ADGRB2: variants seen among roughly 807,000 people sequenced by gnomAD.
ADGRB2 encodes the protein brain-specific angiogenesis inhibitor 2.
In ADGRB2, 47 loss-of-function variants were observed where a neutral mutation model predicts 178.7. The observed-to-expected ratio is 0.26, with a 90% confidence interval of 0.21 to 0.34. The LOEUF is 0.34. ADGRB2 is among the 10% of genes least tolerant of loss of function. ADGRB2 has a pLI of 1.00. For missense variants in ADGRB2, 1,584 were observed against 2,180.8 expected, an observed-to-expected ratio of 0.73 and a Z score of 5.45; for synonymous variants, 870 against 912.4, an observed-to-expected ratio of 0.95 and a Z score of 0.84.
In ADGRB2 at chr1:31,764,016, C is replaced by T. The variant is rs1159823976; in HGVS notation, c.-323G>A. On this transcript the variant is annotated 5_prime_UTR_variant, in exon 1 of 33. Coordinates refer to ENST00000373658, the MANE Select transcript of ADGRB2 (RefSeq NM_001364857.2). This position sits in a 1 kb window ranked among gnomAD's most constrained non-coding sequence, Gnocchi z 7.3. ...GCTGCAGCCGCGCGGAGGGCCGAGG[C>T]TCCCGCTCTCCCGGGCGGCGGGTGC... 2.0e-6 allele frequency: 2 copies of T among 980,950 alleles called. No individual in the cohort carries two copies. The highest frequency in any genetic ancestry group is 1.8e-5 in the African/African-American group (1 of 56,294). 60.8% of individuals were successfully genotyped at this position (980,950 alleles called of 1,614,324 possible).
At chr1:31,738,421 A>T in intron 17 of ADGRB2, 95 bp from the exon 18 acceptor site, 1 of 1,577,018 alleles carries the variant, frequency 6.3e-7, no homozygotes. Context: ...AATCCACAGT[A>T]AGGCCACATC....
rs969938680 is a variant in ADGRB2, at chr1:31,755,701, G to A, written c.838+298C>T. ...GCTTGTCCTTCAGGTCTCTGTTCCT[G>A]TATTACTTCCTTCAGGGAGCCTCCC... is the stretch of plus-strand genomic sequence containing the variant. On this transcript the variant is annotated intron_variant, in intron 4 of 32. Transcript: ENST00000373658. This position sits in a 1 kb window ranked among gnomAD's most constrained non-coding sequence, Gnocchi z 5.1. Among the ~76,000 whole-genome samples, 7 of 151,778 alleles carry A rather than the reference G, an allele frequency of 4.6e-5. No individual in the cohort carries two copies. Among genetic ancestry groups the A allele is most frequent in the African/African-American group, 1.7e-4 (7 of 41,304 alleles).
chr1:31,744,094 AAGG>A lies in ADGRB2; in HGVS notation c.1087+96_1087+98del, dbSNP rs983869495. The stretch of plus-strand genomic sequence containing the variant: ...GGGAACAGCCACATTTGTTGAATGA[AAGG>A]AGGAGGCAACCAACCATTTTGGAGA... On this transcript the variant is annotated intron_variant, in intron 6 of 32. Coordinates refer to ENST00000373658, the MANE Select transcript of ADGRB2 (RefSeq NM_001364857.2). The surrounding 1 kb of genome is among the most constrained non-coding windows in gnomAD (Gnocchi z 6.7). 5.8e-6 allele frequency: 8 copies of A among 1,384,560 alleles called. No individual in the cohort carries two copies. Among genetic ancestry groups the A allele is most frequent in the Admixed American group, 5.8e-5 (2 of 34,336 alleles). The allele number at this position is 1,384,560 out of a possible 1,614,324, so 85.8% of individuals were successfully genotyped here.
chr1:31,735,936 C>T lies in ADGRB2; in HGVS notation c.3201-43G>A. The T allele has an allele frequency of 6.6e-7, 1 of 1,522,932 alleles. No individual in the cohort carries two copies. Among genetic ancestry groups the T allele is most frequent in the South Asian group, 1.2e-5 (1 of 81,388 alleles). The allele number at this position is 1,522,932 out of a possible 1,614,324, so 94.3% of individuals were successfully genotyped here. A position where few individuals can be genotyped will look rare whatever the true frequency, so the allele number is the denominator to read the frequency against. On this transcript the variant is annotated intron_variant, in intron 22 of 32. Transcript: ENST00000373658. This position sits in a 1 kb window ranked among gnomAD's most constrained non-coding sequence, Gnocchi z 6.0. ...AAGGGTGTCAGACACCCAGCAGCCT[C>T]CCTCCCCACCCTCAAACACCATCCC...
Position 31,756,723 on chromosome 1 carries a change from A to G in ADGRB2, c.114T>C (p.Ser38=). 1 of 1,592,862 alleles carries G rather than the reference A, an allele frequency of 6.3e-7. No individual in the cohort carries two copies. The highest frequency in any genetic ancestry group is 8.5e-7 in the Non-Finnish European group (1 of 1,170,508). Residue 38 remains serine (S), a synonymous_variant, in exon 4 of 33, where the codon AGT becomes AGC. Coordinates refer to ENST00000373658, the MANE Select transcript of ADGRB2 (RefSeq NM_001364857.2). This position sits in a 1 kb window ranked among gnomAD's most constrained non-coding sequence, Gnocchi z 8.5. ...RLATAFDPAP[S]ACSALASGVL... ...CACCCGAGGCCAGGGCAGAGCAGGC[A>G]CTGGGGGCGGGGTCGAAGGCGGTGG...
rs60306848 is a variant in ADGRB2 at position 31,756,495 on chromosome 1, G to A, written c.342C>T (p.Pro114=). 9.3e-6 allele frequency: 15 copies of A among 1,612,322 alleles called. No individual in the cohort carries two copies. Among genetic ancestry groups the A allele is most frequent in the African/African-American group, 1.3e-5 (1 of 74,900 alleles). ...LVNFTCLRPS[P]EEAVAQAESE... ...ACTCCGCCTGGGCCACCGCCTCCTC[G>A]GGGCTAGGCCGCAGGCAGGTAAAGT... Residue 114 remains proline, a synonymous_variant, in exon 4 of 33, where the codon CCC becomes CCT. Transcript: ENST00000373658. This position sits in a 1 kb window ranked among gnomAD's most constrained non-coding sequence, Gnocchi z 8.5.
rs1266488993 is a variant in ADGRB2 at position 31,727,383 on chromosome 1, T to C, written c.*37A>G. 3 of 1,554,174 alleles carry C rather than the reference T, an allele frequency of 1.9e-6. No individual in the cohort carries two copies. On this transcript the variant is annotated 3_prime_UTR_variant, in exon 33 of 33. Transcript: ENST00000373658. The surrounding 1 kb of genome is among the most constrained non-coding windows in gnomAD (Gnocchi z 4.4). ...AGTGGAGTGTGAAAATAGAGAGATATATATATTTATATGCAGTGGGCAGTC... is the reference window on the plus strand; with the variant it reads ...AGTGGAGTGTGAAAATAGAGAGATACATATATTTATATGCAGTGGGCAGTC...
intron 4 of ADGRB2, among the ~76,000 whole-genome samples, chr1:31,748,727 G>A (rs984856709): frequency 6.6e-6 from 1 of 152,248 alleles, no homozygotes; most frequent in Non-Finnish European, 1.5e-5. Context: ...GCCAGTCATG[G>A]GCACAAACAG....
Position 31,764,014 on chromosome 1 carries a change from G to A in ADGRB2, c.-321C>T, listed in dbSNP as rs1003390302. The stretch of plus-strand genomic sequence containing the variant: ...TAGCTGCAGCCGCGCGGAGGGCCGA[G>A]GCTCCCGCTCTCCCGGGCGGCGGGT... On this transcript the variant is annotated 5_prime_UTR_variant, in exon 1 of 33. Transcript: ENST00000373658. This position sits in a 1 kb window ranked among gnomAD's most constrained non-coding sequence, Gnocchi z 7.3. The A allele has an allele frequency of 6.1e-6, 6 of 981,974 alleles. No homozygotes were observed. The East Asian group carries it at 3.5e-4, about 57-fold the overall frequency. 60.8% of individuals were successfully genotyped at this position (981,974 alleles called of 1,614,324 possible). A position where few individuals can be genotyped will look rare whatever the true frequency, so the allele number is the denominator to read the frequency against.
chr1:31,738,552 C>T (rs765021976), intron 17 of ADGRB2, 35 bp downstream of exon 17: 24 of 1,591,542 alleles, frequency 1.5e-5, no homozygotes, highest in Middle Eastern at 1.7e-4. Context: ...CCTAGGGCTG[C>T]TCCCTTCCTC....
At chr1:31,734,400 T>C (rs1645458604) in intron 25 of ADGRB2, among the ~76,000 whole-genome samples, 1 of 152,150 alleles carries the variant, frequency 6.6e-6, no homozygotes, top group African/African-American at 2.4e-5. Context: ...AGCCCAAGCA[T>C]TGAAACAGCT....
chr1:31,738,808 G>C (rs747768401), intron 16 of ADGRB2, 24 bp downstream of exon 16: 50 of 1,612,368 alleles, frequency 3.1e-5, no homozygotes, highest in Non-Finnish European at 4.2e-5. Flanking sequence ...TGCACCCAAG[G>C]TCTCTGCATG....
chr1:31,730,646 C>T (rs1351733009), intron 29 of ADGRB2, among the ~76,000 whole-genome samples, 154 bp downstream of exon 29: 1 of 152,242 alleles, frequency 6.6e-6, no homozygotes, highest in Non-Finnish European at 1.5e-5. Context: ...CACCACGGAG[C>T]TGCCATGAGC....
At position 31,735,105 on chromosome 1, in the gene ADGRB2, TC is replaced by T; in HGVS notation, c.3452+77del. The stretch of plus-strand genomic sequence containing the variant: ...GGCACTGGGCTGATATCCCTCCTCC[TC>T]CCCCCACCATGGGCACTGCCCCCCC... On this transcript the variant is annotated intron_variant, in intron 25 of 32. Transcript: ENST00000373658. The surrounding 1 kb of genome is among the most constrained non-coding windows in gnomAD (Gnocchi z 6.0). 2.9e-6 allele frequency: 3 copies of T among 1,033,462 alleles called. No individual in the cohort carries two copies. The highest frequency in any genetic ancestry group is 3.1e-5 in the Admixed American group (1 of 31,956). 64.0% of individuals were successfully genotyped at this position (1,033,462 alleles called of 1,614,324 possible).
chr1:31,728,271 G>C lies in ADGRB2; in HGVS notation c.4426C>G (p.His1476Asp). 3 of 1,613,834 alleles carry C rather than the reference G, an allele frequency of 1.9e-6. No homozygotes were observed. Among genetic ancestry groups the C allele is most frequent in the Non-Finnish European group, 2.5e-6 (3 of 1,179,984 alleles). Residue 1476 changes from histidine to aspartate, a missense_variant, in exon 31 of 33, where the codon CAC becomes GAC. Around this residue, in one of 3 missense-constraint regions of ADGRB2, gnomAD observed 865 missense variants for 1,192.8 expected, o/e 0.73. Transcript: ENST00000373658. The surrounding 1 kb of genome is among the most constrained non-coding windows in gnomAD (Gnocchi z 6.7). ...YSDLDFEKVM[H>D]TRKRHSELYH... is the part of the protein sequence containing the mutation. The stretch of plus-strand genomic sequence containing the variant: ...AGTTCTGAATGCCGTTTCCGGGTGT[G>C]CATCACCTTCTAGGGGCCACAGGGC...
chr1:31,755,928 G>A lies in ADGRB2; in HGVS notation c.838+71C>T. 6.5e-7 allele frequency: 1 copy of A among 1,535,376 alleles called. No individual in the cohort carries two copies. The highest frequency in any genetic ancestry group is 8.8e-7 in the Non-Finnish European group (1 of 1,136,664). On this transcript the variant is annotated intron_variant, in intron 4 of 32. Transcript: ENST00000373658. This position sits in a 1 kb window ranked among gnomAD's most constrained non-coding sequence, Gnocchi z 5.1. ...CAGCTACATGCATGGCCGAGGATCT[G>A]CCAGGATGGACACCAGGGACACTGT...
rs1646196708 is a variant in ADGRB2, at chr1:31,744,895, T to C, written c.839-164A>G. Among the ~76,000 whole-genome samples the C allele has an allele frequency of 6.6e-6, 1 of 152,112 alleles. No homozygotes were observed. The highest frequency in any genetic ancestry group is 2.4e-5 in the African/African-American group (1 of 41,422). On this transcript the variant is annotated intron_variant, in intron 4 of 32. Transcript: ENST00000373658. This position sits in a 1 kb window ranked among gnomAD's most constrained non-coding sequence, Gnocchi z 6.7. ...TGCCCTCTGCCCCACCACCACTATT[T>C]CACAGACAAGGAAACTGAGGTTCAG...
In ADGRB2 at chr1:31,739,655, G is replaced by T. The variant is rs1416127280; in HGVS notation, c.2168-20C>A. 1 of 1,551,926 alleles carries T rather than the reference G, an allele frequency of 6.4e-7. No individual in the cohort carries two copies. Among genetic ancestry groups the T allele is most frequent in the Non-Finnish European group, 8.7e-7 (1 of 1,147,260 alleles). On this transcript the variant is annotated intron_variant, in intron 14 of 32. Transcript: ENST00000373658. ...TGATCACTGCAGTGGGAGGAGGGTG[G>T]ACAGAGACAGACAGAGGGGCAGAAA...
In ADGRB2 at chr1:31,741,712, C is replaced by T; in HGVS notation, c.1599G>A (p.Met533Ile). The T allele has an allele frequency of 1.2e-6, 2 of 1,613,784 alleles. No individual in the cohort carries two copies. The highest frequency in any genetic ancestry group is 8.5e-7 in the Non-Finnish European group (1 of 1,179,740). Reference protein sequence around the residue: ...SEKRCPAFHEMCRDEYVMLMT... With the variant: ...SEKRCPAFHEICRDEYVMLMT... ...TCAGCATCACGTACTCATCCCTGCA[C>T]ATCTCATGGAAGGCTGTGGGTGCAG... is the stretch of plus-strand genomic sequence containing the variant. The change falls in exon 10 of 33, where the codon ATG becomes ATA. Residue 533 changes from methionine to isoleucine, a missense_variant. This residue lies in a region of ADGRB2 where 657 missense variants were observed against 847.6 expected (regional missense o/e 0.78). Coordinates refer to ENST00000373658, the MANE Select transcript of ADGRB2 (RefSeq NM_001364857.2). The surrounding 1 kb of genome is among the most constrained non-coding windows in gnomAD (Gnocchi z 6.5).
Sources: gnomAD v4.1 joint callset for allele counts (sites outside exome capture counted in the v4.1 genomes callset) on GRCh38, gnomAD v4.1.1 for gene constraint, gnomAD v4.1.1 regional missense constraint, Gnocchi (gnomAD v3.1) non-coding constraint, MANE v1.5 for transcripts, NCBI Gene and HGNC (gene_info 2026-07-23, HGNC 2026-07-21) for gene names.